ST8SIA2: variants seen among roughly 807,000 people sequenced by gnomAD.
ST8SIA2 encodes the protein alpha-2,8-sialyltransferase 8B.
A neutral mutation model predicts 37.6 loss-of-function variants in ST8SIA2; 22 were observed. That is an observed-to-expected ratio of 0.58 (90% CI 0.42 to 0.83). ST8SIA2 has a LOEUF of 0.83. Among genes scored for constraint, ST8SIA2 ranks in the 40% least tolerant of loss-of-function variants. The pLI is 0.00. For synonymous variants in ST8SIA2, 205 were observed against 201.2 expected (o/e 1.02, Z -0.16); for missense variants, 382 against 484.7 (o/e 0.79, Z 1.99).
chr15:92,437,290 T>C (rs1445598791), intron 3 of ST8SIA2, among the ~76,000 whole-genome samples: 2 of 152,224 alleles, frequency 1.3e-5, no homozygotes, highest in Admixed American at 6.5e-5. Flanking sequence ...TCTCAGGTGA[T>C]TTAAACAGTT....
chr15:92,421,911 C>G (rs1162480888), intron 1 of ST8SIA2, among the ~76,000 whole-genome samples: 1 of 152,170 alleles, frequency 6.6e-6, no homozygotes, highest in Non-Finnish European at 1.5e-5. Flanking sequence ...GTGCCCTCCC[C>G]CACAAAATTA....
chr15:92,453,551 A>G lies in ST8SIA2; in HGVS notation c.842+8622A>G, dbSNP rs559574987. 2.0e-5 allele frequency among the ~76,000 whole-genome samples: 3 copies of G among 152,332 alleles called. No homozygotes were observed. The South Asian group carries it at 6.2e-4, about 32-fold the overall frequency. On this transcript the variant is annotated intron_variant, in intron 5 of 5. Coordinates refer to ENST00000268164, the MANE Select transcript of ST8SIA2 (RefSeq NM_006011.4). ...GTGTGTGGTTGCTCAAAAGGATAACATGGTCTTGGGTCACAGCAATGAATG... is the reference window on the plus strand; with the variant it reads ...GTGTGTGGTTGCTCAAAAGGATAACGTGGTCTTGGGTCACAGCAATGAATG...
intron 4 of ST8SIA2, among the ~76,000 whole-genome samples, chr15:92,443,547 A>C (rs1360441002): frequency 2.0e-5 from 3 of 152,132 alleles, no homozygotes; most frequent in Admixed American, 6.5e-5. Context: ...AAAAATTCTA[A>C]ACCGTCCCTG....
intron 5 of ST8SIA2, among the ~76,000 whole-genome samples, chr15:92,449,038 CA>C (rs2049863191): frequency 6.6e-6 from 1 of 151,746 alleles, no homozygotes; most frequent in Non-Finnish European, 1.5e-5. Context: ...ATTTTAGATT[CA>C]GGGGGTACCT....
rs752115442 is a variant in ST8SIA2 at position 92,408,676 on chromosome 15, T to TA, written c.98+14514_98+14515insA. On this transcript the variant is annotated intron_variant, in intron 1 of 5. Transcript: ENST00000268164. ...ATTTGAAATCCACTGAGTTCCATTT[T>TA]TTTTATTTATTTATTTATTTATTTA... 9.8e-3 allele frequency among the ~76,000 whole-genome samples: 1,101 copies of TA among 111,864 alleles called. 4 individuals are homozygous for TA. Among genetic ancestry groups the TA allele is most frequent in the African/African-American group, 0.023 (530 of 22,620 alleles). The allele number at this position is 111,864 out of a possible 152,430, so 73.4% of individuals were successfully genotyped here.
intron 5 of ST8SIA2, 152 bp downstream of exon 5, chr15:92,445,081 A>G (rs2049832413): frequency 8.8e-7 from 1 of 1,140,058 alleles, no homozygotes; most frequent in Admixed American, 2.0e-5. Flanking sequence ...CTGAGCCTCC[A>G]TTCCTTGAGA....
intron 3 of ST8SIA2, 39 bp downstream of exon 3, chr15:92,434,414 T>C: frequency 1.2e-6 from 2 of 1,613,892 alleles, no homozygotes; most frequent in Non-Finnish European, 1.7e-6. Flanking sequence ...GTAGACTTGG[T>C]CTTGAGCATA....
intron 5 of ST8SIA2, among the ~76,000 whole-genome samples, chr15:92,449,742 C>G (rs149935653): frequency 1.3e-5 from 2 of 152,200 alleles, no homozygotes; most frequent in Admixed American, 1.3e-4. Flanking sequence ...TTGCATTTCT[C>G]TGATGATTCA....
At chr15:92,427,216 G>A (rs1461583964) in intron 1 of ST8SIA2, among the ~76,000 whole-genome samples, 1 of 136,052 alleles carries the variant, frequency 7.4e-6, no homozygotes, top group Non-Finnish European at 1.5e-5. Flanking sequence ...CAGTTTGTTT[G>A]TCTATTATGT....
chr15:92,438,632 T>G (rs1257660793), intron 4 of ST8SIA2, 22 bp downstream of exon 4: 1 of 1,588,418 alleles, frequency 6.3e-7, no homozygotes, highest in African/African-American at 1.4e-5. Flanking sequence ...CAGCAGGCAC[T>G]CTGGGGCCAG....
intron 3 of ST8SIA2, among the ~76,000 whole-genome samples, chr15:92,437,511 A>C (rs993885683): frequency 3.9e-5 from 6 of 152,124 alleles, no homozygotes; most frequent in Admixed American, 3.9e-4. Context: ...TTCGTTCTGA[A>C]ACAATGCAAA....
chr15:92,463,401 G>A (rs2049970182), intron 5 of ST8SIA2, among the ~76,000 whole-genome samples: 1 of 152,196 alleles, frequency 6.6e-6, no homozygotes, highest in Non-Finnish European at 1.5e-5. Flanking sequence ...CCCCAGGGTA[G>A]TCACCCTTGG....
chr15:92,433,295 C>G (rs2049730337), intron 2 of ST8SIA2, among the ~76,000 whole-genome samples: 1 of 152,200 alleles, frequency 6.6e-6, no homozygotes, highest in African/African-American at 2.4e-5. Context: ...TCCACTTATT[C>G]TAACTGGGAG....
chr15:92,423,431 G>A (rs1376591602), intron 1 of ST8SIA2, among the ~76,000 whole-genome samples: 1 of 152,222 alleles, frequency 6.6e-6, no homozygotes, highest in Non-Finnish European at 1.5e-5. Flanking sequence ...AAAAACAAAT[G>A]GTTAAGATGT....
chr15:92,433,775 G>C (rs1244560752), intron 2 of ST8SIA2, among the ~76,000 whole-genome samples: 2 of 152,224 alleles, frequency 1.3e-5, no homozygotes, highest in Non-Finnish European at 2.9e-5. Flanking sequence ...ACCCTCAAGA[G>C]AGTGATGGGG....
chr15:92,410,541 A>G (rs951686836), intron 1 of ST8SIA2, among the ~76,000 whole-genome samples: 7 of 152,238 alleles, frequency 4.6e-5, no homozygotes, highest in African/African-American at 1.7e-4. Context: ...GACATCCTGT[A>G]TACCGAGTTT....
At chr15:92,434,880 G>A (rs2049744892) in intron 3 of ST8SIA2, among the ~76,000 whole-genome samples, 1 of 150,666 alleles carries the variant, frequency 6.6e-6, no homozygotes, top group South Asian at 2.1e-4. Context: ...GAGAACCCAG[G>A]AACTGACATG....
In ST8SIA2 at chr15:92,444,832, A is replaced by G. The variant is rs1314846833; in HGVS notation, c.745A>G (p.Lys249Glu). ...WIPAFMARGGKERVEWVNELI... is the reference protein window; with the variant it reads ...WIPAFMARGGEERVEWVNELI... ...CCCTGCCTTCATGGCCCGGGGCGGC[A>G]AGGAGCGTGTTGAGTGGGTCAACGA... Residue 249 changes from lysine to glutamate, a missense_variant, in exon 5 of 6, where the codon AAG becomes GAG. Coordinates refer to ENST00000268164, the MANE Select transcript of ST8SIA2 (RefSeq NM_006011.4). 1.9e-6 allele frequency: 3 copies of G among 1,613,940 alleles called. No individual in the cohort carries two copies. Among genetic ancestry groups the G allele is most frequent in the Non-Finnish European group, 2.5e-6 (3 of 1,180,046 alleles).
intron 1 of ST8SIA2, 131 bp from the exon 2 acceptor site, chr15:92,429,918 G>GTCT (rs2049702813): frequency 1.0e-6 from 1 of 977,064 alleles, no homozygotes; most frequent in African/African-American, 1.6e-5. Flanking sequence ...TGCCCATTCT[G>GTCT]CAGAGTCCAG....
Sources: allele counts gnomAD v4.1 joint callset (sites outside exome capture counted in the v4.1 genomes callset), GRCh38; gene constraint gnomAD v4.1.1; transcripts MANE v1.5; gene names NCBI Gene and HGNC (gene_info 2026-07-23, HGNC 2026-07-21).